Variants in L2HGDH observed in about 807,000 individuals in gnomAD.
The protein encoded by L2HGDH is L-2-hydroxyglutarate dehydrogenase, also known as L-2-hydroxyglutarate dehydrogenase, mitochondrial.
L2HGDH carries 34 observed loss-of-function variants against 51.5 expected under a neutral mutation model. The observed-to-expected ratio is 0.66, with a 90% CI of 0.50 to 0.88. The LOEUF (loss-of-function observed/expected upper bound fraction) is 0.88, where lower values mean the gene tolerates loss of function less well. L2HGDH is among the 40% of genes least tolerant of loss of function. The probability of loss-of-function intolerance (pLI) is 0.00; values close to 1 mark genes in which losing one functional copy is unlikely to be tolerated. For synonymous variants in L2HGDH, 198 were observed against 197.9 expected (o/e 1.00, Z -0.01); for missense variants, 558 against 571.9 (o/e 0.98, Z 0.25).
chr14:50,244,814 C>T lies in L2HGDH; in HGVS notation c.*2244G>A, dbSNP rs559953437. On this transcript the variant is annotated 3_prime_UTR_variant, in exon 10 of 10. Coordinates refer to ENST00000267436, the MANE Select transcript of L2HGDH (RefSeq NM_024884.3). The stretch of plus-strand genomic sequence containing the variant: ...TCAACCAAAATGCACATCCTTCTCA[C>T]CCATCCATCATACAGCTTTGGAGAG... 9.5e-5 allele frequency: 94 copies of T among 985,376 alleles called. 1 individual carries two copies. The African/African-American group carries it at 1.6e-3, about 16-fold the overall frequency. The allele number at this position is 985,376 out of a possible 1,614,324, so 61.0% of individuals were successfully genotyped here.
chr14:50,301,246 T>C (rs550690027), intron 3 of L2HGDH, among the ~76,000 whole-genome samples: 65 of 152,266 alleles, frequency 4.3e-4, no homozygotes, highest in African/African-American at 1.5e-3. Flanking sequence ...GCACAGAGCT[T>C]TGGAAAACAA....
At position 50,303,192 on chromosome 14, in the gene L2HGDH, G is replaced by C. The variant is rs556966819; in HGVS notation, c.141-175C>G. Among the ~76,000 whole-genome samples, 4 of 152,284 alleles carry C rather than the reference G, an allele frequency of 2.6e-5. No individual in the cohort carries two copies. In the South Asian group the frequency reaches 6.2e-4, roughly 24 times the overall value. ...TAATCCCAGCACTTTGAGTGGCCGA[G>C]GGGGGCGGATCACGAGGTCAAGAGA... On this transcript the variant is annotated intron_variant, in intron 1 of 9. Coordinates refer to ENST00000267436, the MANE Select transcript of L2HGDH (RefSeq NM_024884.3).
rs1954066035 is a variant in L2HGDH, at chr14:50,243,663, T to TTATTTA, written c.*3394_*3395insTAAATA. On this transcript the variant is annotated 3_prime_UTR_variant, in exon 10 of 10. Coordinates refer to ENST00000267436, the MANE Select transcript of L2HGDH (RefSeq NM_024884.3). ...TTTCATTTTTATTTTTCAGGGTATT[T>TTATTTA]TATATATATATATATATATATATTG... 2 of 171,300 alleles carry TTATTTA rather than the reference T, an allele frequency of 1.2e-5. No individual in the cohort carries two copies. Among genetic ancestry groups the TTATTTA allele is most frequent in the Middle Eastern group, 3.0e-3 (1 of 330 alleles). The allele number at this position is 171,300 out of a possible 1,614,324, so 10.6% of individuals were successfully genotyped here.
intron 1 of L2HGDH, among the ~76,000 whole-genome samples, chr14:50,305,502 C>A (rs1289784546): frequency 2.0e-5 from 3 of 152,224 alleles, no homozygotes; most frequent in Non-Finnish European, 4.4e-5. Context: ...AAAGCATTCA[C>A]ATTCCACTAG....
intron 9 of L2HGDH, among the ~76,000 whole-genome samples, chr14:50,259,324 T>C (rs1888861219): frequency 1.3e-5 from 2 of 150,686 alleles, no homozygotes; most frequent in South Asian, 4.2e-4. Context: ...TTCACTTCAA[T>C]GTGTATTTGT....
chr14:50,261,767 A>T (rs1035708389), intron 9 of L2HGDH, among the ~76,000 whole-genome samples: 1 of 152,208 alleles, frequency 6.6e-6, no homozygotes, highest in Admixed American at 6.5e-5. Context: ...TACAGGCATG[A>T]GCCACTGTGC....
At chr14:50,289,594 G>GA (rs1331283801) in intron 4 of L2HGDH, among the ~76,000 whole-genome samples, 2 of 152,098 alleles carry the variant, frequency 1.3e-5, no homozygotes, top group Non-Finnish European at 2.9e-5. Context: ...TTTATAGGCA[G>GA]AAAAAAGCTA....
intron 8 of L2HGDH, among the ~76,000 whole-genome samples, chr14:50,267,275 C>G (rs552393330): frequency 6.6e-6 from 1 of 151,800 alleles, no homozygotes; most frequent in South Asian, 2.1e-4. Context: ...CTCTGCCTCC[C>G]GGGTTCATGC....
At chr14:50,308,303 T>C (rs1235604627) in intron 1 of L2HGDH, among the ~76,000 whole-genome samples, 4 of 151,580 alleles carry the variant, frequency 2.6e-5, no homozygotes, top group Admixed American at 6.6e-5. Flanking sequence ...GGCAGGAGAA[T>C]TGCTTGAACC....
rs1179826662 is a variant in L2HGDH, at chr14:50,245,786, C to G, written c.*1272G>C. On this transcript the variant is annotated 3_prime_UTR_variant, in exon 10 of 10. Transcript: ENST00000267436. ...CTCCAAAACTCTTAAAAAGCCAAATCTTCTCTAGGTCATGGTTGGTAAGGA... is the reference window on the plus strand; with the variant it reads ...CTCCAAAACTCTTAAAAAGCCAAATGTTCTCTAGGTCATGGTTGGTAAGGA... 1.4e-5 allele frequency: 14 copies of G among 985,210 alleles called. 2 individuals are homozygous for G. The Admixed American group carries it at 8.6e-4, about 61-fold the overall frequency. 61.0% of individuals were successfully genotyped at this position (985,210 alleles called of 1,614,324 possible). A position where few individuals can be genotyped will look rare whatever the true frequency, so the allele number is the denominator to read the frequency against.
intron 4 of L2HGDH, among the ~76,000 whole-genome samples, chr14:50,291,497 C>T (rs1201557806): frequency 1.3e-5 from 2 of 152,072 alleles, no homozygotes; most frequent in Non-Finnish European, 2.9e-5. Context: ...GTTTGATTAT[C>T]CTGACTGGGT....
intron 3 of L2HGDH, 51 bp from the exon 4 acceptor site, chr14:50,294,297 G>A: frequency 1.3e-6 from 2 of 1,575,068 alleles, no homozygotes; most frequent in Non-Finnish European, 1.7e-6. Flanking sequence ...TGTATCATCA[G>A]CGATGAAAGA....
intron 3 of L2HGDH, among the ~76,000 whole-genome samples, chr14:50,297,637 A>T (rs1303908838): frequency 6.6e-6 from 1 of 152,222 alleles, no homozygotes; most frequent in African/African-American, 2.4e-5. Flanking sequence ...CAGCACATGG[A>T]TCATTCTCAA....
chr14:50,246,823 A>G lies in L2HGDH; in HGVS notation c.*235T>C, dbSNP rs1192263494. The G allele has an allele frequency of 3.5e-6, 2 of 566,554 alleles. No individual in the cohort carries two copies. Among genetic ancestry groups the G allele is most frequent in the African/African-American group, 3.8e-5 (2 of 52,924 alleles). The allele number at this position is 566,554 out of a possible 1,614,324, so 35.1% of individuals were successfully genotyped here. A position where few individuals can be genotyped will look rare whatever the true frequency, so the allele number is the denominator to read the frequency against. On this transcript the variant is annotated 3_prime_UTR_variant, in exon 10 of 10. Coordinates refer to ENST00000267436, the MANE Select transcript of L2HGDH (RefSeq NM_024884.3). Reference sequence around the variant, plus strand: ...AGCTCACCTCCGTCTGCTCGGTTCAATTGATTCTCCTGCCTCAGCCTCCTG... The same window carrying G: ...AGCTCACCTCCGTCTGCTCGGTTCAGTTGATTCTCCTGCCTCAGCCTCCTG...
intron 1 of L2HGDH, among the ~76,000 whole-genome samples, chr14:50,306,426 T>A (rs1372918735): frequency 1.3e-5 from 2 of 152,208 alleles, no homozygotes; most frequent in African/African-American, 2.4e-5. Flanking sequence ...TCTTTCATAC[T>A]GTTTTTCTTT....
chr14:50,251,198 G>C (rs1177993377), intron 9 of L2HGDH, among the ~76,000 whole-genome samples: 1 of 152,054 alleles, frequency 6.6e-6, no homozygotes, highest in South Asian at 2.1e-4. Context: ...GAATTAAACA[G>C]AAATTCTAGA....
At chr14:50,304,784 A>C (rs1025315462) in intron 1 of L2HGDH, among the ~76,000 whole-genome samples, 3 of 152,120 alleles carry the variant, frequency 2.0e-5, no homozygotes, top group Non-Finnish European at 4.4e-5. Context: ...GCAGTGAGCC[A>C]AGATTGCACC....
chr14:50,310,397 T>G (rs552552449), intron 1 of L2HGDH, among the ~76,000 whole-genome samples: 1 of 152,144 alleles, frequency 6.6e-6, no homozygotes, highest in East Asian at 1.9e-4. Flanking sequence ...TTCCAATGGA[T>G]CTATAATTAC....
chr14:50,245,977 G>A lies in L2HGDH; in HGVS notation c.*1081C>T, dbSNP rs556937786. On this transcript the variant is annotated 3_prime_UTR_variant, in exon 10 of 10. Coordinates refer to ENST00000267436, the MANE Select transcript of L2HGDH (RefSeq NM_024884.3). ...TCTCTACTAAAAATACAAAAAATTA[G>A]CCAGGCATGGTGGTGGGCGCCTGTA... 1 of 211,464 alleles carries A rather than the reference G, an allele frequency of 4.7e-6. No individual in the cohort carries two copies. The highest frequency in any genetic ancestry group is 1.6e-4 in the South Asian group (1 of 6,106). The allele number at this position is 211,464 out of a possible 1,614,324, so 13.1% of individuals were successfully genotyped here. A position where few individuals can be genotyped will look rare whatever the true frequency, so the allele number is the denominator to read the frequency against.
Sources: allele counts gnomAD v4.1 joint callset (sites outside exome capture counted in the v4.1 genomes callset), GRCh38; gene constraint gnomAD v4.1.1; transcripts MANE v1.5; gene names NCBI Gene and HGNC (gene_info 2026-07-23, HGNC 2026-07-21).